The following MAD1L1 variants were observed in gnomAD, a reference collection of about 807,000 sequenced individuals.
MAD1L1 encodes the protein mitotic arrest deficient 1 like 1.
Under a neutral mutation model 96.9 loss-of-function variants are expected in MAD1L1, and 95 were observed. The ratio of observed to expected loss-of-function variants is 0.98; its 90% CI spans 0.83 to 1.16. The LOEUF (loss-of-function observed/expected upper bound fraction) is 1.16. Ranked by LOEUF, MAD1L1 falls within the 50% of genes most tolerant of loss-of-function variation. The pLI, the probability that MAD1L1 is intolerant of heterozygous loss-of-function variation, is 0.00. For missense variants in MAD1L1, 1,007 were observed against 954.4 expected (o/e 1.06, Z -0.73); for synonymous variants, 473 against 396.6 (o/e 1.19, Z -2.29).
Position 2,185,301 on chromosome 7 carries a change from A to C in MAD1L1, c.986+27911T>G, listed in dbSNP as rs145893133. Among the ~76,000 whole-genome samples, 36 of 152,286 alleles carry C rather than the reference A, an allele frequency of 2.4e-4. No homozygotes were observed. The East Asian group carries it at 4.2e-3, about 18-fold the overall frequency. On this transcript the variant is annotated intron_variant, in intron 10 of 18. Transcript: ENST00000265854. ...TTTATTTACAATTCAAGAACACACAAAACTAATTTATGGTAATAGAAATCA... is the reference window on the plus strand; with the variant it reads ...TTTATTTACAATTCAAGAACACACACAACTAATTTATGGTAATAGAAATCA...
rs759899294 is a variant in MAD1L1, at chr7:2,002,088, C to T, written c.1393G>A (p.Gly465Ser). ...ACCATGTCTGCTCTTTGTTTCTGGC[C>T]TCCCAGCTCCTCCAGGGCCTGCGAC... is the stretch of plus-strand genomic sequence containing the variant. ...QLSQALEELG[G>S]QKQRADMLEM... Residue 465 changes from glycine to serine, a missense_variant, in exon 14 of 19, where the codon GGC becomes AGC. By Grantham distance (56) the Gly-to-Ser change is moderately conservative. Coordinates refer to ENST00000265854, the MANE Select transcript of MAD1L1 (RefSeq NM_001013836.2). 20 of 1,613,324 alleles carry T rather than the reference C, an allele frequency of 1.2e-5. No individual in the cohort carries two copies. The highest frequency in any genetic ancestry group is 1.6e-5 in the Non-Finnish European group (19 of 1,180,022).
chr7:1,938,766 ACACG>A (rs1371962679), intron 16 of MAD1L1, among the ~76,000 whole-genome samples: 2 of 143,352 alleles, frequency 1.4e-5, no homozygotes, highest in South Asian at 2.3e-4. Context: ...ACACACACAC[ACACG>A]CACGCACACA....
chr7:1,937,037 T>C, intron 16 of MAD1L1, 140 bp from the exon 17 acceptor site: 2 of 681,808 alleles, frequency 2.9e-6, no homozygotes, highest in South Asian at 1.9e-5. Context: ...TTTTGTCTTC[T>C]TGAGCCTGCC....
chr7:1,942,961 C>T (rs1562547826), intron 16 of MAD1L1, among the ~76,000 whole-genome samples: 1 of 152,302 alleles, frequency 6.6e-6, no homozygotes, highest in African/African-American at 2.4e-5. Flanking sequence ...AGTGGAGAGT[C>T]CAGGAACCAA....
intron 10 of MAD1L1, among the ~76,000 whole-genome samples, chr7:2,158,021 G>A (rs1789922950): frequency 6.6e-6 from 1 of 152,252 alleles, no homozygotes; most frequent in Admixed American, 6.5e-5. Context: ...TCAGCTCGGA[G>A]ATGACACGGC....
At chr7:2,217,559 T>C (rs1237335014) in intron 7 of MAD1L1, among the ~76,000 whole-genome samples, 1 of 152,170 alleles carries the variant, frequency 6.6e-6, no homozygotes, top group Non-Finnish European at 1.5e-5. Flanking sequence ...AACGTCTCCC[T>C]GGCACGTCCT....
intron 11 of MAD1L1, among the ~76,000 whole-genome samples, chr7:2,124,309 C>A (rs1056507265): frequency 1.3e-5 from 2 of 152,198 alleles, no homozygotes; most frequent in Non-Finnish European, 2.9e-5. Context: ...AGACCCTCGC[C>A]CAGGAGCAAA....
intron 18 of MAD1L1, among the ~76,000 whole-genome samples, chr7:1,883,317 T>C (rs1014123278): frequency 6.6e-6 from 1 of 152,134 alleles, no homozygotes; most frequent in Non-Finnish European, 1.5e-5. Flanking sequence ...CGAATCCTAA[T>C]TCACAAATGA....
At chr7:2,188,072 T>C (rs13233298) in intron 10 of MAD1L1, among the ~76,000 whole-genome samples, 37,222 of 152,172 alleles carry the variant, frequency 0.24, 5,825 homozygotes, top group Middle Eastern at 0.34. Context: ...AAGACCTACA[T>C]AATTCAGTGC....
chr7:1,934,579 GC>G (rs1288686481), intron 17 of MAD1L1, among the ~76,000 whole-genome samples: 5 of 151,816 alleles, frequency 3.3e-5, no homozygotes, highest in Non-Finnish European at 7.4e-5. Flanking sequence ...AAACACACGA[GC>G]GAACCCGAGA....
intron 11 of MAD1L1, among the ~76,000 whole-genome samples, chr7:2,078,942 C>A (rs975085486): frequency 2.0e-5 from 3 of 152,252 alleles, no homozygotes; most frequent in Admixed American, 6.5e-5. Flanking sequence ...TTGGGCACCC[C>A]CATAGGGCTG....
At chr7:1,952,798 G>C (rs912472924) in intron 16 of MAD1L1, among the ~76,000 whole-genome samples, 1 of 152,244 alleles carries the variant, frequency 6.6e-6, no homozygotes, top group Non-Finnish European at 1.5e-5. Context: ...GCCACACTCT[G>C]TCCAACATGG....
intron 12 of MAD1L1, among the ~76,000 whole-genome samples, chr7:2,046,542 G>C (rs562796607): frequency 6.6e-6 from 1 of 152,134 alleles, no homozygotes; most frequent in Non-Finnish European, 1.5e-5. Flanking sequence ...TTCAAGAACT[G>C]TGCAAATCCT....
At chr7:2,005,843 C>T (rs771591323) in intron 13 of MAD1L1, among the ~76,000 whole-genome samples, 2 of 152,080 alleles carry the variant, frequency 1.3e-5, no homozygotes, top group African/African-American at 4.8e-5. Flanking sequence ...AAAAAAAGTT[C>T]GTTTGTAACC....
intron 13 of MAD1L1, among the ~76,000 whole-genome samples, chr7:2,013,035 T>G (rs1276805697): frequency 3.9e-5 from 6 of 152,250 alleles, no homozygotes; most frequent in Admixed American, 3.9e-4. Flanking sequence ...ATTCAGCTCC[T>G]CCTAACATCC....
At chr7:2,227,451 C>T (rs1198328568) in intron 3 of MAD1L1, among the ~76,000 whole-genome samples, 1 of 152,160 alleles carries the variant, frequency 6.6e-6, no homozygotes, top group Non-Finnish European at 1.5e-5. Flanking sequence ...CTGATTGTCA[C>T]AGGGGGGTGG....
At chr7:2,165,426 CAG>C (rs1311829207) in intron 10 of MAD1L1, among the ~76,000 whole-genome samples, 1 of 152,076 alleles carries the variant, frequency 6.6e-6, no homozygotes, top group Non-Finnish European at 1.5e-5. Flanking sequence ...TGTCCAGGCT[CAG>C]GGGATGCCTG....
chr7:1,825,010 CAAAA>C (rs1240462487), intron 18 of MAD1L1, among the ~76,000 whole-genome samples: 1 of 151,836 alleles, frequency 6.6e-6, no homozygotes, highest in Non-Finnish European at 1.5e-5. Flanking sequence ...CTTAGAAAAT[CAAAA>C]TGTTAATGGC....
chr7:1,931,049 G>A (rs541394381), intron 17 of MAD1L1, among the ~76,000 whole-genome samples: 79 of 149,978 alleles, frequency 5.3e-4, no homozygotes, highest in African/African-American at 1.7e-3. Flanking sequence ...CTGACACCAC[G>A]GGAACACCCC....
Sources: gnomAD v4.1 joint callset for allele counts (sites outside exome capture counted in the v4.1 genomes callset) on GRCh38, gnomAD v4.1.1 for gene constraint, MANE v1.5 for transcripts, NCBI Gene and HGNC (gene_info 2026-07-23, HGNC 2026-07-21) for gene names.